RNLS: variants seen among roughly 807,000 people sequenced by gnomAD.
The protein encoded by RNLS is renalase, FAD dependent amine oxidase, also known as renalase.
A neutral mutation model predicts 39.8 loss-of-function variants in RNLS; 39 were observed. The ratio of observed to expected loss-of-function variants is 0.98; its 90% CI spans 0.76 to 1.28. The LOEUF is 1.28. Among genes scored for constraint, RNLS ranks in the 50% most tolerant of loss-of-function variants. The pLI is 0.00. For missense variants in RNLS, 410 were observed against 413.3 expected, an observed-to-expected ratio of 0.99 and a Z score of 0.07; for synonymous variants, 147 against 150.7, an observed-to-expected ratio of 0.98 and a Z score of 0.18.
At chr10:88,279,795 C>T (rs1446287669), downstream of RNLS, among the ~76,000 whole-genome samples, 7 of 152,136 alleles carry the variant, frequency 4.6e-5, no homozygotes, top group African/African-American at 1.7e-4. Context: ...TGGTAATGAC[C>T]TTTCCTAGTG....
Position 88,504,844 on chromosome 10 carries a change from AGT to A in RNLS, c.526+68057_526+68058del, listed in dbSNP as rs34411833. Reference sequence around the variant, plus strand: ...GAGCAAATTAGAGAGAGAGAGACAGAGTGTGTGTGTGTGTGTGTGTGTGTGTG... The same window carrying A: ...GAGCAAATTAGAGAGAGAGAGACAGAGTGTGTGTGTGTGTGTGTGTGTGTG... On this transcript the variant is annotated intron_variant, in intron 4 of 6. Transcript: ENST00000331772. Among the ~76,000 whole-genome samples the A allele has an allele frequency of 8.2e-3, 1,112 of 136,216 alleles. 9 individuals carry two copies. Among genetic ancestry groups the A allele is most frequent in the African/African-American group, 0.022 (812 of 36,790 alleles). The allele number at this position is 136,216 out of a possible 152,430, so 89.4% of individuals were successfully genotyped here. A position where few individuals can be genotyped will look rare whatever the true frequency, so the allele number is the denominator to read the frequency against.
intron 4 of RNLS, among the ~76,000 whole-genome samples, chr10:88,372,141 GC>G (rs1487408071): frequency 1.3e-5 from 2 of 152,060 alleles, no homozygotes; most frequent in Admixed American, 1.3e-4. Context: ...AGGTGATCCT[GC>G]CATACTGGGG....
At chr10:88,366,671 A>G (rs1850133436) in intron 4 of RNLS, among the ~76,000 whole-genome samples, 1 of 146,252 alleles carries the variant, frequency 6.8e-6, no homozygotes, top group Non-Finnish European at 1.5e-5. Flanking sequence ...CTGAAAAAAA[A>G]AAAAAAAAAA....
intron 4 of RNLS, among the ~76,000 whole-genome samples, chr10:88,471,822 A>C (rs1843547565): frequency 1.3e-5 from 2 of 152,248 alleles, no homozygotes; most frequent in Non-Finnish European, 1.5e-5. Context: ...ATGACAACAC[A>C]TGCTCAATGT....
chr10:88,530,434 AT>A (rs1847352767), intron 4 of RNLS, among the ~76,000 whole-genome samples: 1 of 152,112 alleles, frequency 6.6e-6, no homozygotes, highest in African/African-American at 2.4e-5. Context: ...GTTAATTGAC[AT>A]TTCTAACTTT....
rs780544444 is a variant in RNLS at position 88,361,069 on chromosome 10, TC to T, written c.700+1482del. On this transcript the variant is annotated intron_variant, in intron 5 of 6. Coordinates refer to ENST00000331772, the MANE Select transcript of RNLS (RefSeq NM_001031709.3). ...AGATTTGGCTTAGCTGGGGCTATCT[TC>T]CTGGCTTGCAGACAGCTGCCTTCTT... Among the ~76,000 whole-genome samples, 207 of 152,326 alleles carry T rather than the reference TC, an allele frequency of 1.4e-3. 1 individual carries two copies. Among genetic ancestry groups the T allele is most frequent in the Middle Eastern group, 3.4e-3 (1 of 294 alleles).
At chr10:88,352,922 G>A (rs1848840254) in intron 5 of RNLS, among the ~76,000 whole-genome samples, 1 of 152,182 alleles carries the variant, frequency 6.6e-6, no homozygotes, top group Non-Finnish European at 1.5e-5. Context: ...TCCTGGTTTA[G>A]TCTTAGGAAG....
At chr10:88,406,461 C>A (rs1206751987) in intron 4 of RNLS, among the ~76,000 whole-genome samples, 1 of 151,920 alleles carries the variant, frequency 6.6e-6, no homozygotes, top group Non-Finnish European at 1.5e-5. Context: ...TGGGATAATT[C>A]GAAGACCTTG....
intron 4 of RNLS, among the ~76,000 whole-genome samples, chr10:88,566,563 G>A (rs1011593063): frequency 5.9e-5 from 9 of 151,978 alleles, no homozygotes; most frequent in South Asian, 2.1e-4. Flanking sequence ...ACAAACACTC[G>A]GGCATTAGTT....
At chr10:88,207,740 T>A in the RNLS span, among the ~76,000 whole-genome samples, 1 of 152,174 alleles carries the variant, frequency 6.6e-6, no homozygotes, top group Non-Finnish European at 1.5e-5. Context: ...TTAGCAGGAC[T>A]CTTAGTCCCC....
At chr10:88,256,325 C>T in the RNLS span, among the ~76,000 whole-genome samples, 2 of 152,360 alleles carry the variant, frequency 1.3e-5, no homozygotes, top group East Asian at 1.9e-4. Flanking sequence ...TGTTCTCCAG[C>T]GAGCATCACA....
intron 4 of RNLS, among the ~76,000 whole-genome samples, chr10:88,490,780 C>T (rs992227392): frequency 6.6e-6 from 1 of 152,148 alleles, no homozygotes; most frequent in Non-Finnish European, 1.5e-5. Flanking sequence ...AGCCACAACA[C>T]ACAAACCACT....
chr10:88,487,640 A>G (rs1237134606), intron 4 of RNLS, among the ~76,000 whole-genome samples: 1 of 152,160 alleles, frequency 6.6e-6, no homozygotes, highest in African/African-American at 2.4e-5. Context: ...AGGAAAATGT[A>G]AACTAGTGAA....
At chr10:88,352,852 C>G (rs1848832928) in intron 5 of RNLS, among the ~76,000 whole-genome samples, 1 of 152,134 alleles carries the variant, frequency 6.6e-6, no homozygotes, top group African/African-American at 2.4e-5. Context: ...GGTTGGTAAG[C>G]TATTAATTAT....
At chr10:88,426,040 A>G (rs1854732813) in intron 4 of RNLS, among the ~76,000 whole-genome samples, 1 of 152,080 alleles carries the variant, frequency 6.6e-6, no homozygotes. Context: ...CTGTTGCTGG[A>G]CAGAGGGCTA....
At chr10:88,236,180 C>A in the RNLS span, among the ~76,000 whole-genome samples, 1 of 152,102 alleles carries the variant, frequency 6.6e-6, no homozygotes, top group East Asian at 1.9e-4. Context: ...TTAATTGTGT[C>A]AAAGTTCTGG....
At chr10:88,172,248 A>G in the RNLS span, among the ~76,000 whole-genome samples, 1 of 152,214 alleles carries the variant, frequency 6.6e-6, no homozygotes, top group African/African-American at 2.4e-5. Context: ...AGGGACGTCC[A>G]TACTGTTTTC....
chr10:88,486,767 T>C (rs12256470), intron 4 of RNLS, among the ~76,000 whole-genome samples: 6,999 of 152,068 alleles, frequency 0.046, 522 homozygotes, highest in African/African-American at 0.16. Flanking sequence ...TTGGTGGGAG[T>C]GTAAATTAGT....
intron 1 of RNLS, 39 bp from the exon 2 acceptor site, chr10:88,582,346 A>G: frequency 1.3e-6 from 2 of 1,529,326 alleles, no homozygotes; most frequent in Non-Finnish European, 1.8e-6. Flanking sequence ...ACTGCATGAC[A>G]ATGAGCCTTA....
Sources: gnomAD v4.1 joint callset for allele counts (sites outside exome capture counted in the v4.1 genomes callset) on GRCh38, gnomAD v4.1.1 for gene constraint, MANE v1.5 for transcripts, NCBI Gene and HGNC (gene_info 2026-07-23, HGNC 2026-07-21) for gene names.